Variants in AQP10 observed in about 807,000 individuals in gnomAD.
The protein encoded by AQP10 is aquaporin 10, also known as aquaporin-10.
Under a neutral mutation model 21.0 loss-of-function variants are expected in AQP10, and 15 were observed. That is an observed-to-expected ratio of 0.71 (90% confidence interval 0.48 to 1.10). The LOEUF is 1.10. AQP10 is among the 50% of genes least tolerant of loss of function. The pLI, the probability that AQP10 is intolerant of heterozygous loss-of-function variation, is 0.00. For missense variants in AQP10, 268 were observed against 379.5 expected, an observed-to-expected ratio of 0.71 and a Z score of 2.44; for synonymous variants, 143 against 155.7, an observed-to-expected ratio of 0.92 and a Z score of 0.61.
chr1:154,322,489 C>CTTCTTTTTT (rs376265152), intron 2 of AQP10, among the ~76,000 whole-genome samples: 3 of 117,860 alleles, frequency 2.5e-5, no homozygotes, highest in Admixed American at 9.5e-5. Flanking sequence ...GTGTCTTCTT[C>CTTCTTTTTT]TTTTTTTTTT....
rs1553294143 is a variant in AQP10, at chr1:154,321,131, T to C, written c.-25T>C. ...GTGCCTATGCAGACAGAGGGAGCAG[T>C]GAATAGCAATAGGGTGTTTCCACCA... On this transcript the variant is annotated 5_prime_UTR_variant, in exon 1 of 6. Coordinates refer to ENST00000324978, the MANE Select transcript of AQP10 (RefSeq NM_080429.3). 1 of 1,593,570 alleles carries C rather than the reference T, an allele frequency of 6.3e-7. No homozygotes were observed. Among genetic ancestry groups the C allele is most frequent in the Non-Finnish European group, 8.6e-7 (1 of 1,164,826 alleles).
At chr1:154,321,463 T>C (rs1373502060) in intron 1 of AQP10, among the ~76,000 whole-genome samples, 1 of 152,226 alleles carries the variant, frequency 6.6e-6, no homozygotes, top group Non-Finnish European at 1.5e-5. Flanking sequence ...CTTTCTTTAA[T>C]AACAAGTGTA....
chr1:154,322,368 C>T (rs1428296012), intron 2 of AQP10, among the ~76,000 whole-genome samples: 1 of 152,100 alleles, frequency 6.6e-6, no homozygotes, highest in Non-Finnish European at 1.5e-5. Flanking sequence ...AGGACCTCTC[C>T]TGTTTGTACC....
Position 154,323,312 on chromosome 1 carries a change from A to T in AQP10, c.442A>T (p.Thr148Ser), listed in dbSNP as rs776750157. 6.2e-7 allele frequency: 1 copy of T among 1,614,024 alleles called. No individual in the cohort carries two copies. Among genetic ancestry groups the T allele is most frequent in the Non-Finnish European group, 8.5e-7 (1 of 1,179,988 alleles). The change falls in exon 4 of 6, where the codon ACC (threonine) becomes TCC (serine). Residue 148 changes from threonine (T) to serine (S), a missense_variant. This residue lies in a region of AQP10 where 229 missense variants were observed against 295.1 expected (regional missense o/e 0.78). Coordinates refer to ENST00000324978, the MANE Select transcript of AQP10 (RefSeq NM_080429.3). The surrounding 1 kb of genome is among the most constrained non-coding windows in gnomAD (Gnocchi z 4.5). ...CAAGGAGACAGCCTCCATTTTTGCC[A>T]CCTATCCTGCCCCCTATCTGTCCCT... Reference protein sequence around the residue: ...GPKETASIFATYPAPYLSLNN... With the variant: ...GPKETASIFASYPAPYLSLNN...
chr1:154,323,055 T>C lies in AQP10; in HGVS notation c.306T>C (p.Ile102=), dbSNP rs1685684455. 10 of 1,614,008 alleles carry C rather than the reference T, an allele frequency of 6.2e-6. No individual in the cohort carries two copies. Among genetic ancestry groups the C allele is most frequent in the Non-Finnish European group, 7.6e-6 (9 of 1,180,026 alleles). The change falls in exon 3 of 6, where the codon ATT becomes ATC. Residue 102 remains isoleucine (I), a synonymous_variant. Transcript: ENST00000324978. This position sits in a 1 kb window ranked among gnomAD's most constrained non-coding sequence, Gnocchi z 4.5. ...VGRLPWVKLP[I]YILVQLLSAF... The stretch of plus-strand genomic sequence containing the variant: ...GCCTCCCCTGGGTCAAGCTCCCCAT[T>C]TACATCTTGGTGCAGTTGCTGTCTG...
At position 154,321,219 on chromosome 1, in the gene AQP10, C is replaced by T. The variant is rs371762595; in HGVS notation, c.64C>T (p.Arg22Trp). The change falls in exon 1 of 6, where the codon CGG becomes TGG. Residue 22 changes from arginine (R) to tryptophan (W), a missense_variant. Physicochemically the swap from Arg to Trp is moderately radical, Grantham distance 101. This residue lies in a region of AQP10 where 33 missense variants were observed against 47.1 expected (regional missense o/e 0.70). Coordinates refer to ENST00000324978, the MANE Select transcript of AQP10 (RefSeq NM_080429.3). ...GHLRIRSLLA[R>W]QCLAEFLGVF... ...CCTCCGGATACGCAGCCTCCTGGCC[C>T]GGCAGTGCCTGGCAGAGTTTCTGGG... is the stretch of plus-strand genomic sequence containing the variant. 5.6e-6 allele frequency: 9 copies of T among 1,613,562 alleles called. No individual in the cohort carries two copies. The highest frequency in any genetic ancestry group is 5.9e-6 in the Non-Finnish European group (7 of 1,179,828).
Position 154,323,145 on chromosome 1 carries a change from T to C in AQP10, c.370+26T>C, listed in dbSNP as rs1348576584. ...GTGACAGAGGGAACAGAGGGAGCTG[T>C]GCCTTGAGAGCACCTGTGGGTGGGC... On this transcript the variant is annotated intron_variant, in intron 3 of 5. Coordinates refer to ENST00000324978, the MANE Select transcript of AQP10 (RefSeq NM_080429.3). This position sits in a 1 kb window ranked among gnomAD's most constrained non-coding sequence, Gnocchi z 4.5. 2 of 1,614,118 alleles carry C rather than the reference T, an allele frequency of 1.2e-6. No individual in the cohort carries two copies. Among genetic ancestry groups the C allele is most frequent in the Non-Finnish European group, 1.7e-6 (2 of 1,179,980 alleles).
At chr1:154,321,877 T>C (rs1685649775) in intron 1 of AQP10, 56 bp from the exon 2 acceptor site, 3 of 1,606,444 alleles carry the variant, frequency 1.9e-6, no homozygotes, top group South Asian at 2.2e-5. Context: ...CTTCCCAACC[T>C]TTCTCCCTGT....
chr1:154,324,465 G>C lies in AQP10; in HGVS notation c.891G>C (p.Leu297=). 1.2e-6 allele frequency: 2 copies of C among 1,613,508 alleles called. No homozygotes were observed. The highest frequency in any genetic ancestry group is 1.7e-6 in the Non-Finnish European group (2 of 1,179,888). The change falls in exon 6 of 6, where the codon CTG becomes CTC. Residue 297 remains leucine (L), a synonymous_variant. Transcript: ENST00000324978. ...AAACTCCTGCCTCAGCTCAGATGCT[G>C]GAGTGTAAGCTATGATTAGGACAAC... ...ELETPASAQM[L]ECKL
chr1:154,323,827 G>C lies in AQP10; in HGVS notation c.707+21G>C. On this transcript the variant is annotated intron_variant, in intron 5 of 5. Transcript: ENST00000324978. The surrounding 1 kb of genome is among the most constrained non-coding windows in gnomAD (Gnocchi z 4.5). ...TTCAGGTGGGAGACAGACTCTCCTGGTGCTGGCCTCCACTCACCTTCCTCT... is the reference window on the plus strand; with the variant it reads ...TTCAGGTGGGAGACAGACTCTCCTGCTGCTGGCCTCCACTCACCTTCCTCT... The C allele has an allele frequency of 6.2e-7, 1 of 1,611,804 alleles. No homozygotes were observed. Among genetic ancestry groups the C allele is most frequent in the Non-Finnish European group, 8.5e-7 (1 of 1,178,972 alleles).
In AQP10 at chr1:154,322,489, CTTT is replaced by C. The variant is rs5777905; in HGVS notation, c.232+446_232+448del. On this transcript the variant is annotated intron_variant, in intron 2 of 5. Coordinates refer to ENST00000324978, the MANE Select transcript of AQP10 (RefSeq NM_080429.3). The stretch of plus-strand genomic sequence containing the variant: ...AACTTTGGATTCACAGTGTCTTCTT[CTTT>C]TTTTTTTTTTTTTTTCTTTTTTTTT... Among the ~76,000 whole-genome samples, 8 of 117,858 alleles carry C rather than the reference CTTT, an allele frequency of 6.8e-5. 1 individual carries two copies. The highest frequency in any genetic ancestry group is 1.2e-4 in the Non-Finnish European group (7 of 59,392). The allele number at this position is 117,858 out of a possible 152,430, so 77.3% of individuals were successfully genotyped here. A position where few individuals can be genotyped will look rare whatever the true frequency, so the allele number is the denominator to read the frequency against.
chr1:154,321,650 A>G (rs182327792), intron 1 of AQP10, among the ~76,000 whole-genome samples: 132 of 152,348 alleles, frequency 8.7e-4, no homozygotes, highest in Non-Finnish European at 1.7e-3. Context: ...ACTCTTCCAT[A>G]GAAAGAATCT....
Position 154,323,618 on chromosome 1 carries a change from G to A in AQP10, c.519G>A (p.Gly173=), listed in dbSNP as rs1293350389. The change falls in exon 5 of 6, where the codon GGG becomes GGA. Residue 173 remains glycine (G), a synonymous_variant. Coordinates refer to ENST00000324978, the MANE Select transcript of AQP10 (RefSeq NM_080429.3). This position sits in a 1 kb window ranked among gnomAD's most constrained non-coding sequence, Gnocchi z 4.5. Reference sequence around the variant, plus strand: ...TGGGCACTGGGATGCTGATTGTGGGGCTCTTGGCCATCCTGGACAGACGGA... The same window carrying A: ...TGGGCACTGGGATGCTGATTGTGGGACTCTTGGCCATCCTGGACAGACGGA... ...QVLGTGMLIV[G]LLAILDRRNK... is the part of the protein sequence containing the mutation. 1 of 1,614,138 alleles carries A rather than the reference G, an allele frequency of 6.2e-7. No homozygotes were observed. The highest frequency in any genetic ancestry group is 1.7e-5 in the Admixed American group (1 of 60,030).
At chr1:154,322,113 G>T in intron 2 of AQP10, 54 bp downstream of exon 2, 1 of 1,604,824 alleles carries the variant, frequency 6.2e-7, no homozygotes, top group South Asian at 1.1e-5. Flanking sequence ...ATGCCAGTTT[G>T]TCTGTCTGGT....
At chr1:154,321,608 T>C (rs1327320856) in intron 1 of AQP10, among the ~76,000 whole-genome samples, 1 of 152,220 alleles carries the variant, frequency 6.6e-6, no homozygotes, top group African/African-American at 2.4e-5. Context: ...TAATTATTTT[T>C]CACATAGGCT....
Position 154,323,229 on chromosome 1 carries a change from C to T in AQP10, c.371-12C>T, listed in dbSNP as rs201947699. 1.4e-4 allele frequency: 228 copies of T among 1,614,002 alleles called. No homozygotes were observed. Among genetic ancestry groups the T allele is most frequent in the Non-Finnish European group, 1.9e-4 (223 of 1,179,854 alleles). The stretch of plus-strand genomic sequence containing the variant: ...CAAAGAGGGAAATCCTGGGTGTTCC[C>T]TTCCTCCACAGATGCCCTACAGAAC... On this transcript the variant is annotated splice_polypyrimidine_tract_variant and intron_variant, in intron 3 of 5. Transcript: ENST00000324978. This position sits in a 1 kb window ranked among gnomAD's most constrained non-coding sequence, Gnocchi z 4.5.
At position 154,323,621 on chromosome 1, in the gene AQP10, C is replaced by T. The variant is rs1451801459; in HGVS notation, c.522C>T (p.Leu174=). The T allele has an allele frequency of 1.9e-6, 3 of 1,614,030 alleles. No individual in the cohort carries two copies. Among genetic ancestry groups the T allele is most frequent in the Non-Finnish European group, 2.5e-6 (3 of 1,179,990 alleles). The change falls in exon 5 of 6, where the codon CTC becomes CTT. Residue 174 remains leucine, a synonymous_variant. Transcript: ENST00000324978. This position sits in a 1 kb window ranked among gnomAD's most constrained non-coding sequence, Gnocchi z 4.5. Reference sequence around the variant, plus strand: ...GCACTGGGATGCTGATTGTGGGGCTCTTGGCCATCCTGGACAGACGGAACA... The same window carrying T: ...GCACTGGGATGCTGATTGTGGGGCTTTTGGCCATCCTGGACAGACGGAACA... The part of the protein sequence containing the change: ...VLGTGMLIVG[L]LAILDRRNKG...
At chr1:154,321,701 T>G (rs1685644565) in intron 1 of AQP10, among the ~76,000 whole-genome samples, 1 of 152,238 alleles carries the variant, frequency 6.6e-6, no homozygotes, top group Non-Finnish European at 1.5e-5. Context: ...CATGGGTTTG[T>G]ACCCTCAAAT....
Position 154,323,729 on chromosome 1 carries a change from G to A in AQP10, c.630G>A (p.Gly210=). 1 of 1,614,156 alleles carries A rather than the reference G, an allele frequency of 6.2e-7. No individual in the cohort carries two copies. Among genetic ancestry groups the A allele is most frequent in the Non-Finnish European group, 8.5e-7 (1 of 1,180,030 alleles). The change falls in exon 5 of 6, where the codon GGG becomes GGA. Residue 210 remains glycine (G), a synonymous_variant. Coordinates refer to ENST00000324978, the MANE Select transcript of AQP10 (RefSeq NM_080429.3). The surrounding 1 kb of genome is among the most constrained non-coding windows in gnomAD (Gnocchi z 4.5). The part of the protein sequence containing the change: ...ALGLSMGANC[G]IPLNPARDLG... ...GGTTATCCATGGGTGCCAACTGCGG[G>A]ATTCCACTCAACCCTGCCCGGGACC...
Sources: allele counts gnomAD v4.1 joint callset (sites outside exome capture counted in the v4.1 genomes callset), GRCh38; gene constraint gnomAD v4.1.1; regional missense constraint gnomAD v4.1.1; non-coding constraint Gnocchi (gnomAD v3.1); transcripts MANE v1.5; gene names NCBI Gene and HGNC (gene_info 2026-07-23, HGNC 2026-07-21).